The following RAB44 variants were observed in gnomAD, a reference collection of about 807,000 sequenced individuals.
The protein encoded by RAB44 is RAB44, member RAS oncogene family.
A neutral mutation model predicts 93.3 loss-of-function variants in RAB44; 67 were observed. The observed-to-expected ratio is 0.72, with a 90% confidence interval of 0.59 to 0.88. RAB44 has a LOEUF of 0.88. Ranked by LOEUF, RAB44 falls within the 40% of genes least tolerant of loss-of-function variation. The probability of loss-of-function intolerance (pLI) is 0.00; values close to 1 mark genes in which losing one functional copy is unlikely to be tolerated. For synonymous variants in RAB44, 427 were observed against 520.3 expected (o/e 0.82, Z 2.44); for missense variants, 1,064 against 1,261.7 (o/e 0.84, Z 2.37).
rs1762959783 is a variant in RAB44, at chr6:36,717,742, G to T, written c.642-286G>T. Among the ~76,000 whole-genome samples the T allele has an allele frequency of 6.6e-6, 1 of 151,938 alleles. No individual in the cohort carries two copies. Among genetic ancestry groups the T allele is most frequent in the Non-Finnish European group, 1.5e-5 (1 of 67,946 alleles). On this transcript the variant is annotated intron_variant, in intron 5 of 13. Coordinates refer to ENST00000612677, the MANE Select transcript of RAB44 (RefSeq NM_001257357.2). The surrounding 1 kb of genome is among the most constrained non-coding windows in gnomAD (Gnocchi z 4.1). ...GCAGGAGGACGGTGAAAGAGGGAGTGGGGACTGAGTGATGGGGTGATGGGG... is the reference window on the plus strand; with the variant it reads ...GCAGGAGGACGGTGAAAGAGGGAGTTGGGACTGAGTGATGGGGTGATGGGG...
intron 10 of RAB44, 89 bp downstream of exon 10, chr6:36,726,032 G>GTTGCCTCCTGCCT: frequency 1.0e-6 from 1 of 986,702 alleles, no homozygotes; most frequent in Non-Finnish European, 1.6e-6. Flanking sequence ...AACACAGGCA[G>GTTGCCTCCTGCCT]GAGGCAACTG....
In RAB44 at chr6:36,728,634, G is replaced by A. The variant is rs954847331; in HGVS notation, c.2797-66G>A. The A allele has an allele frequency of 3.5e-5, 47 of 1,339,676 alleles. No individual in the cohort carries two copies. The South Asian group carries it at 5.8e-4, about 16-fold the overall frequency. The allele number at this position is 1,339,676 out of a possible 1,614,324, so 83.0% of individuals were successfully genotyped here. A position where few individuals can be genotyped will look rare whatever the true frequency, so the allele number is the denominator to read the frequency against. ...GCGGGGGACACAGTTCAGCTTCTAGGAAGGCAAATGTGCCAGGAGCCTGGC... is the reference window on the plus strand; with the variant it reads ...GCGGGGGACACAGTTCAGCTTCTAGAAAGGCAAATGTGCCAGGAGCCTGGC... On this transcript the variant is annotated intron_variant, in intron 11 of 13. Coordinates refer to ENST00000612677, the MANE Select transcript of RAB44 (RefSeq NM_001257357.2).
At chr6:36,710,002 A>G (rs1365922517) in intron 2 of RAB44, among the ~76,000 whole-genome samples, 1 of 152,258 alleles carries the variant, frequency 6.6e-6, no homozygotes, top group East Asian at 1.9e-4. Flanking sequence ...ACAGCCTTGC[A>G]TATCCCTAAC....
Position 36,721,207 on chromosome 6 carries a change from C to T in RAB44, c.1073C>T (p.Ala358Val). ...PDPQAASPEE[A>V]PLPGLFGDND... ...CCTCAGGCTGCCTCCCCTGAGGAGG[C>T]CCCCCTGCCTGGGCTATTTGGGGAC... The change falls in exon 9 of 14, where the codon GCC becomes GTC. Residue 358 changes from alanine (A) to valine (V), a missense_variant. Ala to Val is a moderately conservative substitution (Grantham distance 64, BLOSUM62 0). Transcript: ENST00000612677. 3.2e-6 allele frequency: 4 copies of T among 1,234,270 alleles called. No individual in the cohort carries two copies. The highest frequency in any genetic ancestry group is 4.0e-6 in the Non-Finnish European group (4 of 988,136). 76.5% of individuals were successfully genotyped at this position (1,234,270 alleles called of 1,614,324 possible). A position where few individuals can be genotyped will look rare whatever the true frequency, so the allele number is the denominator to read the frequency against.
At chr6:36,716,646 G>A (rs920604640) in intron 4 of RAB44, among the ~76,000 whole-genome samples, 3 of 152,180 alleles carry the variant, frequency 2.0e-5, no homozygotes, top group African/African-American at 4.8e-5. Context: ...CTTGGCTCCC[G>A]GAGGGTGGGG....
At position 36,722,618 on chromosome 6, in the gene RAB44, C is replaced by T; in HGVS notation, c.2484C>T (p.Ala828=). The part of the protein sequence containing the change: ...GDPMAGGGPQ[A]NPDYLFHVIF... The stretch of plus-strand genomic sequence containing the variant: ...CCATGGCTGGAGGGGGACCCCAGGC[C>T]AACCCTGATTACCTCTTCCATGTCA... The change falls in exon 9 of 14, where the codon GCC becomes GCT. Residue 828 remains alanine (A), a synonymous_variant. Transcript: ENST00000612677. 1 of 1,550,656 alleles carries T rather than the reference C, an allele frequency of 6.4e-7. No individual in the cohort carries two copies. The highest frequency in any genetic ancestry group is 2.4e-5 in the East Asian group (1 of 40,920).
rs566494125 is a variant in RAB44, at chr6:36,700,196, C to T, written c.-13+2281C>T. On this transcript the variant is annotated intron_variant, in intron 1 of 13. Coordinates refer to ENST00000612677, the MANE Select transcript of RAB44 (RefSeq NM_001257357.2). ...TATCTTGCTTAATCCTCGCAGCATCCCCGTGGGAGAGATATTAGTCCTAAG... is the reference window on the plus strand; with the variant it reads ...TATCTTGCTTAATCCTCGCAGCATCTCCGTGGGAGAGATATTAGTCCTAAG... Among the ~76,000 whole-genome samples the T allele has an allele frequency of 7.9e-5, 12 of 152,262 alleles. No homozygotes were observed. In the South Asian group the frequency reaches 2.5e-3, roughly 32 times the overall value.
chr6:36,727,406 G>A (rs1458853523), intron 10 of RAB44, among the ~76,000 whole-genome samples, 171 bp from the exon 11 acceptor site: 1 of 152,214 alleles, frequency 6.6e-6, no homozygotes, highest in African/African-American at 2.4e-5. Context: ...TGAAATTTGA[G>A]CCATGAGAAC....
rs542724581 is a variant in RAB44 at position 36,708,534 on chromosome 6, C to T, written c.207+4092C>T. Among the ~76,000 whole-genome samples the T allele has an allele frequency of 1.3e-4, 20 of 152,052 alleles. No individual in the cohort carries two copies. In the East Asian group the frequency reaches 1.4e-3, roughly 10 times the overall value. On this transcript the variant is annotated intron_variant, in intron 2 of 13. Transcript: ENST00000612677. ...AGAAGATTTAGGCACTAGATTAAGA[C>T]GTCATGGGAGACCAAGAAATATTAC...
chr6:36,701,708 T>C (rs1320956104), intron 1 of RAB44, among the ~76,000 whole-genome samples: 1 of 152,126 alleles, frequency 6.6e-6, no homozygotes, highest in East Asian at 1.9e-4. Flanking sequence ...ATTATGTTTG[T>C]GTCTCCTGCA....
chr6:36,708,328 T>C (rs1450382408), intron 2 of RAB44, among the ~76,000 whole-genome samples: 1 of 152,178 alleles, frequency 6.6e-6, no homozygotes, highest in South Asian at 2.1e-4. Context: ...ATTTTACCTA[T>C]GAAAATTTAG....
At chr6:36,716,811 A>T (rs1173594711) in intron 4 of RAB44, among the ~76,000 whole-genome samples, 1 of 152,186 alleles carries the variant, frequency 6.6e-6, no homozygotes, top group Non-Finnish European at 1.5e-5. Context: ...AGCAGCCTTT[A>T]TTGGGCACCA....
intron 1 of RAB44, among the ~76,000 whole-genome samples, chr6:36,703,627 A>G (rs1265300369): frequency 6.6e-6 from 1 of 152,094 alleles, no homozygotes; most frequent in Admixed American, 6.6e-5. Flanking sequence ...TGGGGCCCTA[A>G]GAGCCGCATA....
At chr6:36,699,370 T>C (rs1249179643) in intron 1 of RAB44, among the ~76,000 whole-genome samples, 1 of 152,276 alleles carries the variant, frequency 6.6e-6, no homozygotes, top group African/African-American at 2.4e-5. Flanking sequence ...TCTAACATCC[T>C]ACACCTGTGG....
chr6:36,722,664 G>T lies in RAB44; in HGVS notation c.2530G>T (p.Val844Leu). ...FHVIFLGDSN[V>L]GKTSFLHLLH... ...TGTCATCTTTCTGGGAGACTCCAACGTGGGCAAAACATCCTTCCTGCACCT... is the reference window on the plus strand; with the variant it reads ...TGTCATCTTTCTGGGAGACTCCAACTTGGGCAAAACATCCTTCCTGCACCT... Residue 844 changes from valine (V) to leucine (L), a missense_variant, in exon 9 of 14, where the codon GTG (valine) becomes TTG (leucine). Coordinates refer to ENST00000612677, the MANE Select transcript of RAB44 (RefSeq NM_001257357.2). The T allele has an allele frequency of 6.4e-7, 1 of 1,550,656 alleles. No individual in the cohort carries two copies. The highest frequency in any genetic ancestry group is 8.7e-7 in the Non-Finnish European group (1 of 1,147,014).
At chr6:36,711,536 C>G (rs1762786736) in intron 2 of RAB44, among the ~76,000 whole-genome samples, 1 of 152,118 alleles carries the variant, frequency 6.6e-6, no homozygotes, top group African/African-American at 2.4e-5. Flanking sequence ...ATTTTCTGAG[C>G]TAGCGATTTC....
chr6:36,723,484 C>A (rs1193204432), intron 9 of RAB44, among the ~76,000 whole-genome samples: 1 of 152,048 alleles, frequency 6.6e-6, no homozygotes, highest in Non-Finnish European at 1.5e-5. Flanking sequence ...AAGCAGAGAG[C>A]CTTCCCTCCC....
At chr6:36,730,606 G>T (rs557814303) in intron 12 of RAB44, 67 bp from the exon 13 acceptor site, 3 of 1,002,458 alleles carry the variant, frequency 3.0e-6, no homozygotes, top group Non-Finnish European at 3.9e-6. Flanking sequence ...CTTTAGTGGC[G>T]GGGTATGGCC....
At chr6:36,725,724 G>C in intron 9 of RAB44, 138 bp from the exon 10 acceptor site, 2 of 651,424 alleles carry the variant, frequency 3.1e-6, no homozygotes, top group Non-Finnish European at 5.8e-6. Flanking sequence ...ATGGGATGCA[G>C]AGCCGAGGGG....
Sources: gnomAD v4.1 joint callset for allele counts (sites outside exome capture counted in the v4.1 genomes callset) on GRCh38, gnomAD v4.1.1 for gene constraint, Gnocchi (gnomAD v3.1) non-coding constraint, MANE v1.5 for transcripts, NCBI Gene and HGNC (gene_info 2026-07-23, HGNC 2026-07-21) for gene names.